Variants in SCN9A observed in about 807,000 individuals in gnomAD.
SCN9A encodes sodium voltage-gated channel alpha subunit 9.
In SCN9A, 131 loss-of-function variants were observed where a neutral mutation model predicts 187.0. The ratio of observed to expected loss-of-function variants is 0.70; its 90% CI spans 0.61 to 0.81. The LOEUF (loss-of-function observed/expected upper bound fraction) is 0.81. Ranked by LOEUF, SCN9A falls within the 30% of genes least tolerant of loss-of-function variation. The pLI, the probability that SCN9A is intolerant of heterozygous loss-of-function variation, is 0.00. For synonymous variants in SCN9A, 809 were observed against 808.6 expected (o/e 1.00, Z -0.01); for missense variants, 2,252 against 2,396.6 (o/e 0.94, Z 1.26).
intron 24 of SCN9A, among the ~76,000 whole-genome samples, chr2:166,225,348 TCTGA>T (rs1255324675): frequency 6.6e-6 from 1 of 152,192 alleles, no homozygotes; most frequent in Non-Finnish European, 1.5e-5. Flanking sequence ...CTATTTTTAC[TCTGA>T]CTGTCATGTA....
At chr2:166,260,382 C>T (rs1696454555) in intron 17 of SCN9A, among the ~76,000 whole-genome samples, 1 of 151,878 alleles carries the variant, frequency 6.6e-6, no homozygotes, top group Non-Finnish European at 1.5e-5. Context: ...TTCTGTACCA[C>T]ATCTGCCCAG....
intron 5 of SCN9A, 101 bp from the exon 6 acceptor site, chr2:166,304,430 A>G: frequency 1.0e-6 from 1 of 964,920 alleles, no homozygotes; most frequent in Non-Finnish European, 1.6e-6. Context: ...CTTCTATTTT[A>G]AATGTATAGT....
rs989307866 is a variant in SCN9A at position 166,306,734 on chromosome 2, A to G, written c.378-135T>C. ...GCTTGTAGACTATTTTGTCTCTTTG[A>G]ACAAGAGAGTAATAAATAAAAGTAA... On this transcript the variant is annotated intron_variant, in intron 3 of 26. Coordinates refer to ENST00000642356, the MANE Select transcript of SCN9A (RefSeq NM_001365536.1). 8 of 720,276 alleles carry G rather than the reference A, an allele frequency of 1.1e-5. No individual in the cohort carries two copies. The African/African-American group carries it at 1.4e-4, about 13-fold the overall frequency. The allele number at this position is 720,276 out of a possible 1,614,324, so 44.6% of individuals were successfully genotyped here.
intron 1 of SCN9A, among the ~76,000 whole-genome samples, chr2:166,350,116 C>T (rs1700000505): frequency 6.6e-6 from 1 of 152,196 alleles, no homozygotes; most frequent in Admixed American, 6.5e-5. Context: ...TATCTCTGGG[C>T]ACCAAAAACA....
intron 17 of SCN9A, 51 bp from the exon 18 acceptor site, chr2:166,251,936 A>G (rs1372337013): frequency 3.1e-6 from 5 of 1,597,540 alleles, no homozygotes; most frequent in Non-Finnish European, 3.4e-6. Context: ...AGTTCATTCA[A>G]ATATGATATT....
At position 166,281,678 on chromosome 2, in the gene SCN9A, C is replaced by A; in HGVS notation, c.2104+1G>T. The A allele has an allele frequency of 6.2e-7, 1 of 1,612,290 alleles. No individual in the cohort carries two copies. The highest frequency in any genetic ancestry group is 8.5e-7 in the Non-Finnish European group (1 of 1,178,984). ...TACAGTAAAAGAAGATTATTACATA[C>A]CTTCCACAGTGTTTGTTAATATGCT... On this transcript the variant is annotated splice_donor_variant, in intron 13 of 26. Coordinates refer to ENST00000642356, the MANE Select transcript of SCN9A (RefSeq NM_001365536.1). LOFTEE classifies it high-confidence loss of function.
intron 24 of SCN9A, among the ~76,000 whole-genome samples, chr2:166,215,654 C>T (rs1694298716): frequency 6.6e-6 from 1 of 151,240 alleles, no homozygotes; most frequent in Admixed American, 6.6e-5. Context: ...AATTGAATAA[C>T]CTAGAAGGAA....
chr2:166,354,048 A>G (rs1700098511), intron 1 of SCN9A, among the ~76,000 whole-genome samples: 1 of 152,198 alleles, frequency 6.6e-6, no homozygotes, highest in South Asian at 2.1e-4. Context: ...TTTAATTATT[A>G]TTTAACAAAA....
chr2:166,238,390 G>C, intron 19 of SCN9A, 123 bp from the exon 20 acceptor site: 1 of 674,302 alleles, frequency 1.5e-6, no homozygotes, highest in Non-Finnish European at 2.5e-6. Context: ...ACATGGGCCA[G>C]CTGACATTTT....
At chr2:166,355,260 C>T (rs1357353914) in intron 1 of SCN9A, among the ~76,000 whole-genome samples, 1 of 151,976 alleles carries the variant, frequency 6.6e-6, no homozygotes, top group Non-Finnish European at 1.5e-5. Context: ...TATATATATA[C>T]ATACTGACAA....
intron 7 of SCN9A, chr2:166,302,235 A>T (rs1698586341): frequency 4.9e-5 from 7 of 143,702 alleles, no homozygotes; most frequent in African/African-American, 2.1e-4. Flanking sequence ...GGTGTCAGAC[A>T]GAAAGTACAA....
chr2:166,237,590 CCAAATA>C (rs1039525353), intron 20 of SCN9A, among the ~76,000 whole-genome samples: 3 of 151,906 alleles, frequency 2.0e-5, no homozygotes, highest in African/African-American at 7.3e-5. Flanking sequence ...TTCTCTCTCC[CCAAATA>C]CAAAGTTAAC....
chr2:166,333,214 C>T (rs1699549475), intron 1 of SCN9A, among the ~76,000 whole-genome samples: 1 of 151,982 alleles, frequency 6.6e-6, no homozygotes, highest in South Asian at 2.1e-4. Context: ...TATACATATT[C>T]TGACCATAAA....
At chr2:166,297,155 A>ACACTGCAT (rs112027648) in intron 7 of SCN9A, among the ~76,000 whole-genome samples, 3,899 of 137,640 alleles carry the variant, frequency 0.028, 193 homozygotes, top group African/African-American at 0.099. Context: ...CGAGATAGCG[A>ACACTGCAT]CACTGCATTC....
chr2:166,208,478 T>C (rs1437147046), intron 24 of SCN9A, among the ~76,000 whole-genome samples: 1 of 152,154 alleles, frequency 6.6e-6, no homozygotes, highest in Non-Finnish European at 1.5e-5. Context: ...AAGATGAGAG[T>C]TAATGAAATG....
At chr2:166,338,412 G>C (rs111285706) in intron 1 of SCN9A, among the ~76,000 whole-genome samples, 5 of 151,638 alleles carry the variant, frequency 3.3e-5, no homozygotes, top group Admixed American at 1.3e-4. Flanking sequence ...TCTGTCTAAC[G>C]CCCATGTGTA....
chr2:166,293,170 TAAC>T, intron 9 of SCN9A, 58 bp downstream of exon 9: 1 of 1,473,064 alleles, frequency 6.8e-7, no homozygotes, highest in Non-Finnish European at 9.3e-7. Flanking sequence ...TACAGGCTCT[TAAC>T]ATACACCAGG....
intron 24 of SCN9A, among the ~76,000 whole-genome samples, chr2:166,226,299 A>G (rs1041803797): frequency 2.0e-5 from 3 of 152,158 alleles, no homozygotes; most frequent in Admixed American, 6.5e-5. Context: ...ATTGGAAAAA[A>G]CAGAATAGTT....
At chr2:166,375,064 A>G (rs1406563948) in intron 1 of SCN9A, among the ~76,000 whole-genome samples, 2 of 152,342 alleles carry the variant, frequency 1.3e-5, no homozygotes, top group South Asian at 4.1e-4. Context: ...TGAGTTTCCC[A>G]AGTTGAATTC....
Sources: gnomAD v4.1 joint callset for allele counts (sites outside exome capture counted in the v4.1 genomes callset) on GRCh38, gnomAD v4.1.1 for gene constraint, MANE v1.5 for transcripts, NCBI Gene and HGNC (gene_info 2026-07-23, HGNC 2026-07-21) for gene names.